The following CAND1 variants were observed in gnomAD, a reference collection of about 807,000 sequenced individuals.
CAND1 encodes cullin associated and neddylation dissociated 1.
Under a neutral mutation model 108.5 loss-of-function variants are expected in CAND1, and 7 were observed. The observed-to-expected ratio is 0.06, with a 90% confidence interval of 0.04 to 0.12. The LOEUF (loss-of-function observed/expected upper bound fraction) is 0.12. CAND1 is among the 10% of genes least tolerant of loss of function. CAND1 has a pLI of 1.00. For missense variants in CAND1, 941 were observed against 1,448.7 expected (o/e 0.65, Z 5.69); for synonymous variants, 534 against 512.0 (o/e 1.04, Z -0.58).
At chr12:67,289,592 G>C (rs1343809468) in intron 2 of CAND1, among the ~76,000 whole-genome samples, 62 of 152,250 alleles carry the variant, frequency 4.1e-4, no homozygotes, top group East Asian at 1.9e-4. Context: ...TCACCATGTT[G>C]CCCAGGCTGG....
intron 1 of CAND1, among the ~76,000 whole-genome samples, chr12:67,278,581 C>A (rs927294340): frequency 9.2e-5 from 14 of 152,016 alleles, no homozygotes; most frequent in African/African-American, 3.1e-4. Flanking sequence ...TGCAGTGGCT[C>A]AATCTCGGCT....
rs1049392975 is a variant in CAND1 at position 67,315,597 on chromosome 12, C to T, written c.*2767C>T. 12 of 151,944 alleles carry T rather than the reference C, an allele frequency of 7.9e-5. No individual in the cohort carries two copies. The highest frequency in any genetic ancestry group is 1.8e-4 in the Non-Finnish European group (12 of 68,022). The allele number at this position is 151,944 out of a possible 1,614,324, so 9.4% of individuals were successfully genotyped here. A position where few individuals can be genotyped will look rare whatever the true frequency, so the allele number is the denominator to read the frequency against. ...TTAATGATATCTGAAAGCTGCTTAA[C>T]CATTAGGAATTACAATTCTTTATGG... On this transcript the variant is annotated 3_prime_UTR_variant, in exon 15 of 15. Coordinates refer to ENST00000545606, the MANE Select transcript of CAND1 (RefSeq NM_018448.5).
At chr12:67,289,323 A>T (rs1236794938) in intron 2 of CAND1, among the ~76,000 whole-genome samples, 1 of 152,072 alleles carries the variant, frequency 6.6e-6, no homozygotes, top group Non-Finnish European at 1.5e-5. Context: ...GGTTCAAGTG[A>T]TTCTCCTGCC....
chr12:67,279,685 T>A (rs145104634), intron 1 of CAND1, among the ~76,000 whole-genome samples: 4 of 152,332 alleles, frequency 2.6e-5, no homozygotes, highest in African/African-American at 9.6e-5. Context: ...GGGGCCAAAG[T>A]GTATTCAACT....
Position 67,306,351 on chromosome 12 carries a change from G to A in CAND1, c.2683G>A (p.Val895Ile). ...VGNLPEYLPFVLQEITSQPKR... is the reference protein window; with the variant it reads ...VGNLPEYLPFILQEITSQPKR... ...CAACCTTCCTGAATATCTGCCGTTTGTCCTGCAAGAAATAACTAGTCAACC... is the reference window on the plus strand; with the variant it reads ...CAACCTTCCTGAATATCTGCCGTTTATCCTGCAAGAAATAACTAGTCAACC... The change falls in exon 10 of 15, where the codon GTC becomes ATC. Residue 895 changes from valine (V) to isoleucine (I), a missense_variant. By Grantham distance (29) the Val-to-Ile change is conservative. Around this residue, in one of 9 missense-constraint regions of CAND1, gnomAD observed 697 missense variants for 942.0 expected, o/e 0.74. Transcript: ENST00000545606. The A allele has an allele frequency of 6.2e-7, 1 of 1,614,118 alleles. No individual in the cohort carries two copies. Among genetic ancestry groups the A allele is most frequent in the Non-Finnish European group, 8.5e-7 (1 of 1,179,982 alleles).
chr12:67,300,691 G>A (rs2044816364), intron 7 of CAND1, among the ~76,000 whole-genome samples: 1 of 152,030 alleles, frequency 6.6e-6, no homozygotes, highest in Admixed American at 6.6e-5. Context: ...CTACCTATTA[G>A]AATATAAGTT....
chr12:67,312,582 A>G (rs758034709), intron 14 of CAND1, 24 bp from the exon 15 acceptor site: 6 of 1,516,220 alleles, frequency 4.0e-6, no homozygotes, highest in Admixed American at 2.0e-5. Flanking sequence ...ATAGCATGTA[A>G]TCTAAGTTTA....
rs749425993 is a variant in CAND1, at chr12:67,275,120, AT to A, written c.68+5336del. On this transcript the variant is annotated intron_variant, in intron 1 of 14. Coordinates refer to ENST00000545606, the MANE Select transcript of CAND1 (RefSeq NM_018448.5). ...TTGATATATACTATGCTAACTGGTT[AT>A]CAGCAGTGATTAGGGCTCACCACTG... Among the ~76,000 whole-genome samples the A allele has an allele frequency of 1.4e-4, 22 of 152,248 alleles. No individual in the cohort carries two copies. In the East Asian group the frequency reaches 3.7e-3, roughly 25 times the overall value.
chr12:67,269,468 T>A lies in CAND1; in HGVS notation c.-250T>A, dbSNP rs1048543766. ...GTACGCCCCGCCGCCCATGAGCTCG[T>A]TCTCACGCGAACAGCGCCGTCGTTA... is the stretch of plus-strand genomic sequence containing the variant. On this transcript the variant is annotated 5_prime_UTR_variant, in exon 1 of 15. Coordinates refer to ENST00000545606, the MANE Select transcript of CAND1 (RefSeq NM_018448.5). The A allele has an allele frequency of 2.0e-6, 1 of 505,620 alleles. No homozygotes were observed. The highest frequency in any genetic ancestry group is 2.1e-5 in the African/African-American group (1 of 48,154). The allele number at this position is 505,620 out of a possible 1,614,324, so 31.3% of individuals were successfully genotyped here.
intron 2 of CAND1, among the ~76,000 whole-genome samples, chr12:67,292,038 T>A (rs574607993): frequency 1.3e-5 from 2 of 152,276 alleles, no homozygotes; most frequent in African/African-American, 4.8e-5. Flanking sequence ...AATTTTTTTT[T>A]GTATTTTTAG....
At chr12:67,298,709 A>C (rs901473484) in intron 6 of CAND1, among the ~76,000 whole-genome samples, 5 of 152,168 alleles carry the variant, frequency 3.3e-5, no homozygotes, top group African/African-American at 1.2e-4. Flanking sequence ...TACATTAACC[A>C]TAACATAGTT....
In CAND1 at chr12:67,306,328, A is replaced by G. The variant is rs753574420; in HGVS notation, c.2660A>G (p.Asn887Ser). ...GCATTAGGCAGCATTAGTGTGGGCA[A>G]CCTTCCTGAATATCTGCCGTTTGTC... Reference protein sequence around the residue: ...SYALGSISVGNLPEYLPFVLQ... With the variant: ...SYALGSISVGSLPEYLPFVLQ... The change falls in exon 10 of 15, where the codon AAC becomes AGC. Residue 887 changes from asparagine (N) to serine (S), a missense_variant. Asn to Ser is a conservative substitution (Grantham distance 46). Around this residue, in one of 9 missense-constraint regions of CAND1, gnomAD observed 697 missense variants for 942.0 expected, o/e 0.74. Transcript: ENST00000545606. 40 of 1,614,020 alleles carry G rather than the reference A, an allele frequency of 2.5e-5. No homozygotes were observed. Among genetic ancestry groups the G allele is most frequent in the African/African-American group, 4.0e-5 (3 of 74,916 alleles).
rs1592631591 is a variant in CAND1, at chr12:67,319,322, T to C, written c.*6492T>C. The C allele has an allele frequency of 2.0e-5, 3 of 152,260 alleles. No homozygotes were observed. Among genetic ancestry groups the C allele is most frequent in the African/African-American group, 7.2e-5 (3 of 41,464 alleles). 9.4% of individuals were successfully genotyped at this position (152,260 alleles called of 1,614,324 possible). Reference sequence around the variant, plus strand: ...TTTTTCTTCTGACAACTATAAAATATTTCCCTTGCCTTCTCAAGTTTGCTC... The same window carrying C: ...TTTTTCTTCTGACAACTATAAAATACTTCCCTTGCCTTCTCAAGTTTGCTC... On this transcript the variant is annotated 3_prime_UTR_variant, in exon 15 of 15. Transcript: ENST00000545606.
chr12:67,298,908 T>C, intron 6 of CAND1, 42 bp from the exon 7 acceptor site: 2 of 1,217,864 alleles, frequency 1.6e-6, no homozygotes, highest in South Asian at 1.2e-5. Flanking sequence ...AATCAAGGAG[T>C]AAAATGCAGC....
chr12:67,292,133 C>T (rs1264965118), intron 2 of CAND1, among the ~76,000 whole-genome samples: 4 of 152,032 alleles, frequency 2.6e-5, no homozygotes, highest in African/African-American at 9.7e-5. Context: ...TCCCGAAGTG[C>T]TGGGATTACA....
At position 67,312,769 on chromosome 12, in the gene CAND1, T is replaced by C. The variant is rs773983002; in HGVS notation, c.3632T>C (p.Ile1211Thr). 11 of 1,613,728 alleles carry C rather than the reference T, an allele frequency of 6.8e-6. No homozygotes were observed. The highest frequency in any genetic ancestry group is 9.3e-6 in the Non-Finnish European group (11 of 1,179,800). The change falls in exon 15 of 15, where the codon ATC becomes ACC. Residue 1211 changes from isoleucine to threonine, a missense_variant. Physicochemically the swap from Ile to Thr is moderately conservative, Grantham distance 89. Around this residue, in one of 9 missense-constraint regions of CAND1, gnomAD observed 39 missense variants for 51.3 expected, o/e 0.76. Coordinates refer to ENST00000545606, the MANE Select transcript of CAND1 (RefSeq NM_018448.5). Reference protein sequence around the residue: ...QISSNPELAAIFESIQKDSSS... With the variant: ...QISSNPELAATFESIQKDSSS... The stretch of plus-strand genomic sequence containing the variant: ...AGTTCTAACCCTGAGCTGGCGGCTA[T>C]CTTTGAAAGTATCCAGAAAGATTCA...
At position 67,299,108 on chromosome 12, in the gene CAND1, A is replaced by T; in HGVS notation, c.1000+13A>T. On this transcript the variant is annotated intron_variant, in intron 7 of 14. Transcript: ENST00000545606. ...GATGATGATCAAGGTATTGCAAATT[A>T]AATAGAATCTTTTGAGTTTTTGTGA... 1.3e-6 allele frequency: 2 copies of T among 1,510,416 alleles called. No homozygotes were observed. Among genetic ancestry groups the T allele is most frequent in the African/African-American group, 1.4e-5 (1 of 70,946 alleles). The allele number at this position is 1,510,416 out of a possible 1,614,324, so 93.6% of individuals were successfully genotyped here. A position where few individuals can be genotyped will look rare whatever the true frequency, so the allele number is the denominator to read the frequency against.
At position 67,302,404 on chromosome 12, in the gene CAND1, T is replaced by C; in HGVS notation, c.1082T>C (p.Val361Ala). The change falls in exon 8 of 15, where the codon GTT becomes GCT. Residue 361 changes from valine (V) to alanine (A), a missense_variant. Physicochemically the swap from Val to Ala is moderately conservative, Grantham distance 64. Coordinates refer to ENST00000545606, the MANE Select transcript of CAND1 (RefSeq NM_018448.5). ...GCTGCGAAGTGCTTGGATGCTGTAG[T>C]TAGCACAAGGCATGAAATGCTTCCA... is the stretch of plus-strand genomic sequence containing the variant. ...RAAAKCLDAV[V>A]STRHEMLPEF... 3.7e-6 allele frequency: 6 copies of C among 1,614,082 alleles called. No individual in the cohort carries two copies. The highest frequency in any genetic ancestry group is 5.1e-6 in the Non-Finnish European group (6 of 1,179,930).
chr12:67,270,769 T>TAAAAAAAAAAAAAAAAAAA (rs10573806), intron 1 of CAND1: 1 of 137,870 alleles, frequency 7.3e-6, no homozygotes. Context: ...GTTCTCAATC[T>TAAAAAAAAAAAAAAAAAAA]AAAAAAAAAA....
Sources: gnomAD v4.1 joint callset for allele counts (sites outside exome capture counted in the v4.1 genomes callset) on GRCh38, gnomAD v4.1.1 for gene constraint, gnomAD v4.1.1 regional missense constraint, MANE v1.5 for transcripts, NCBI Gene and HGNC (gene_info 2026-07-23, HGNC 2026-07-21) for gene names.